The following XKR6 variants were observed in gnomAD, a reference collection of about 807,000 sequenced individuals.
The protein encoded by XKR6 is XK related 6.
Under a neutral mutation model 56.7 loss-of-function variants are expected in XKR6, and 22 were observed. The observed-to-expected ratio is 0.39, with a 90% confidence interval of 0.28 to 0.55. The LOEUF is 0.55. Ranked by LOEUF, XKR6 falls within the 20% of genes least tolerant of loss-of-function variation. The pLI is 0.66. For synonymous variants in XKR6, 524 were observed against 387.8 expected, an observed-to-expected ratio of 1.35 and a Z score of -4.13; for missense variants, 852 against 889.0, an observed-to-expected ratio of 0.96 and a Z score of 0.53.
chr8:11,120,360 G>A lies in XKR6; in HGVS notation c.764+80216C>T, dbSNP rs911865179. Among the ~76,000 whole-genome samples the A allele has an allele frequency of 3.8e-4, 58 of 152,196 alleles. 2 individuals carry two copies. The highest frequency in any genetic ancestry group is 9.6e-4 in the East Asian group (5 of 5,184). ...AAGTCTCAGGATACAAAATCAATGC[G>A]CAAAAATCACAAGCATTCTTATACA... On this transcript the variant is annotated intron_variant, in intron 1 of 2. Coordinates refer to ENST00000416569, the MANE Select transcript of XKR6 (RefSeq NM_173683.4).
At chr8:11,022,652 G>A (rs970457495) in intron 1 of XKR6, among the ~76,000 whole-genome samples, 3 of 152,148 alleles carry the variant, frequency 2.0e-5, no homozygotes, top group Admixed American at 2.0e-4. Context: ...CCACAGAAGG[G>A]TGACATTATT....
intron 1 of XKR6, among the ~76,000 whole-genome samples, chr8:11,148,901 G>A (rs1410636074): frequency 6.6e-6 from 1 of 152,210 alleles, no homozygotes; most frequent in Non-Finnish European, 1.5e-5. Flanking sequence ...TAATTATGCT[G>A]AGTAAGCGAA....
intron 1 of XKR6, among the ~76,000 whole-genome samples, chr8:10,929,572 A>C (rs183277749): frequency 3.3e-5 from 5 of 152,332 alleles, no homozygotes; most frequent in Non-Finnish European, 7.3e-5. Context: ...GAGTTTGCCC[A>C]AAACACCTGG....
chr8:10,906,827 A>C (rs1313650928), intron 2 of XKR6, among the ~76,000 whole-genome samples: 1 of 152,178 alleles, frequency 6.6e-6, no homozygotes, highest in Non-Finnish European at 1.5e-5. Context: ...AGGTCAGGAG[A>C]TTGAGACCAT....
intron 1 of XKR6, among the ~76,000 whole-genome samples, chr8:11,166,745 G>C (rs1349133667): frequency 2.6e-5 from 4 of 151,956 alleles, no homozygotes; most frequent in African/African-American, 9.7e-5. Context: ...GCTAATTTTT[G>C]TGTTTTTAGC....
intron 1 of XKR6, among the ~76,000 whole-genome samples, chr8:10,969,889 G>A (rs1047820336): frequency 7.9e-5 from 12 of 152,322 alleles, no homozygotes; most frequent in East Asian, 3.9e-4. Context: ...ATATGCTGCC[G>A]TCCCGCCTCT....
At chr8:10,953,008 G>A (rs532321322) in intron 1 of XKR6, among the ~76,000 whole-genome samples, 1 of 152,280 alleles carries the variant, frequency 6.6e-6, no homozygotes, top group African/African-American at 2.4e-5. Context: ...TCTAATGCAT[G>A]ATGATCTGTC....
chr8:10,947,680 T>C (rs1333491867), intron 1 of XKR6, among the ~76,000 whole-genome samples: 1 of 152,168 alleles, frequency 6.6e-6, no homozygotes, highest in African/African-American at 2.4e-5. Flanking sequence ...CCTTCTAAGA[T>C]GTTTTGCCTG....
chr8:11,048,573 G>A (rs1406764359), intron 1 of XKR6, among the ~76,000 whole-genome samples: 1 of 152,204 alleles, frequency 6.6e-6, no homozygotes, highest in African/African-American at 2.4e-5. Flanking sequence ...GGCGAAACCT[G>A]GAGATGTGTA....
intron 1 of XKR6, among the ~76,000 whole-genome samples, chr8:11,025,537 A>T (rs1798841965): frequency 6.6e-6 from 1 of 152,178 alleles, no homozygotes; most frequent in South Asian, 2.1e-4. Context: ...CCTGGGGGAG[A>T]TGGAAATTCA....
chr8:11,035,543 G>C (rs1250243975), intron 1 of XKR6, among the ~76,000 whole-genome samples: 1 of 152,214 alleles, frequency 6.6e-6, no homozygotes, highest in African/African-American at 2.4e-5. Context: ...AGTGGCCTAA[G>C]AGCAAGTTCT....
chr8:11,198,824 T>C (rs1193657981), intron 1 of XKR6, among the ~76,000 whole-genome samples: 6 of 152,080 alleles, frequency 3.9e-5, no homozygotes, highest in Admixed American at 2.0e-4. Context: ...TGAATTCTAC[T>C]GGTATGTTAA....
chr8:11,168,978 GC>G (rs1350204665), intron 1 of XKR6, among the ~76,000 whole-genome samples: 1 of 152,118 alleles, frequency 6.6e-6, no homozygotes, highest in African/African-American at 2.4e-5. Context: ...TGGACTGTTT[GC>G]CAAGCCTCTA....
chr8:10,947,729 C>G (rs764463835), intron 1 of XKR6, among the ~76,000 whole-genome samples: 6 of 152,212 alleles, frequency 3.9e-5, no homozygotes, highest in Non-Finnish European at 5.9e-5. Flanking sequence ...GCTGAAAAGT[C>G]CCAGTCTTTT....
At chr8:11,149,588 T>C (rs1375209675) in intron 1 of XKR6, among the ~76,000 whole-genome samples, 1 of 152,114 alleles carries the variant, frequency 6.6e-6, no homozygotes, top group Non-Finnish European at 1.5e-5. Context: ...GATGAAAATA[T>C]TTCAAGAATG....
chr8:11,017,785 G>A (rs961727272), intron 1 of XKR6, among the ~76,000 whole-genome samples: 23 of 152,226 alleles, frequency 1.5e-4, no homozygotes, highest in Admixed American at 1.3e-3. Context: ...AGAGGCACCA[G>A]TAGGTGCCCA....
Position 11,200,444 on chromosome 8 carries a change from G to T in XKR6, c.764+132C>A. ...AACGCCGGTCTTTTGGAGACGCCAG[G>T]GGCGGCGCGCGGCCGGTCCCTCCTT... On this transcript the variant is annotated intron_variant, in intron 1 of 2. Transcript: ENST00000416569. The surrounding 1 kb of genome is among the most constrained non-coding windows in gnomAD (Gnocchi z 6.4). 3.3e-6 allele frequency: 4 copies of T among 1,200,774 alleles called. No homozygotes were observed. The highest frequency in any genetic ancestry group is 4.3e-6 in the Non-Finnish European group (4 of 931,578). The allele number at this position is 1,200,774 out of a possible 1,614,324, so 74.4% of individuals were successfully genotyped here. A position where few individuals can be genotyped will look rare whatever the true frequency, so the allele number is the denominator to read the frequency against.
intron 1 of XKR6, among the ~76,000 whole-genome samples, chr8:11,089,956 C>T (rs1040087725): frequency 3.9e-5 from 6 of 152,196 alleles, no homozygotes; most frequent in Non-Finnish European, 5.9e-5. Context: ...TGGTTTTGTA[C>T]TGTAGATATT....
At chr8:11,031,957 C>G (rs944975535) in intron 1 of XKR6, among the ~76,000 whole-genome samples, 1 of 152,218 alleles carries the variant, frequency 6.6e-6, no homozygotes, top group Non-Finnish European at 1.5e-5. Context: ...GAGATCCCCC[C>G]AGCAGGCAGC....
Sources: allele counts gnomAD v4.1 joint callset (sites outside exome capture counted in the v4.1 genomes callset), GRCh38; gene constraint gnomAD v4.1.1; non-coding constraint Gnocchi (gnomAD v3.1); transcripts MANE v1.5; gene names NCBI Gene and HGNC (gene_info 2026-07-23, HGNC 2026-07-21).